Variants in LOC400499 observed in about 807,000 individuals in gnomAD.
At chr16:11,441,262 C>T in the LOC400499 span, among the ~76,000 whole-genome samples, 3 of 152,298 alleles carry the variant, frequency 2.0e-5, no homozygotes, top group African/African-American at 7.2e-5. Context: ...TGGTAAACTT[C>T]AGTGCCTACA....
the LOC400499 span, among the ~76,000 whole-genome samples, chr16:11,427,137 C>T: frequency 6.6e-3 from 1,007 of 151,666 alleles, 6 homozygotes; most frequent in Non-Finnish European, 8.5e-3. Flanking sequence ...GAGGGTGGGT[C>T]ACCTGAGCTC....
At chr16:11,464,993 G>A in the LOC400499 span, among the ~76,000 whole-genome samples, 4 of 152,236 alleles carry the variant, frequency 2.6e-5, no homozygotes, top group Non-Finnish European at 5.9e-5. Flanking sequence ...GCTGACGGCA[G>A]AGCTGGAAGA....
At chr16:11,519,477 C>A in the LOC400499 span, among the ~76,000 whole-genome samples, 1 of 152,076 alleles carries the variant, frequency 6.6e-6, no homozygotes, top group Non-Finnish European at 1.5e-5. Flanking sequence ...TGGCTCACAC[C>A]TGTAATCCCA....
At chr16:11,450,790 A>G in the LOC400499 span, 1 of 1,535,988 alleles carries the variant, frequency 6.5e-7, no homozygotes, top group Non-Finnish European at 8.7e-7. Flanking sequence ...TGCAGAGACC[A>G]TCAGCCATGG....
chr16:11,411,821 A>T, the LOC400499 span, among the ~76,000 whole-genome samples: 2 of 150,064 alleles, frequency 1.3e-5, no homozygotes, highest in Non-Finnish European at 3.0e-5. Context: ...CCTCCAGGCC[A>T]GGGTGGTTAC....
At chr16:11,507,615 C>A in the LOC400499 span, among the ~76,000 whole-genome samples, 12 of 152,208 alleles carry the variant, frequency 7.9e-5, no homozygotes, top group African/African-American at 2.7e-4. Flanking sequence ...ATTGTCTGAG[C>A]ATACACTAAG....
At chr16:11,393,673 G>C in the LOC400499 span, 7 of 903,512 alleles carry the variant, frequency 7.7e-6, no homozygotes, top group Middle Eastern at 3.9e-4. Flanking sequence ...TGTTGGACCT[G>C]TAGGGAACCA....
At chr16:11,490,965 C>G in the LOC400499 span, among the ~76,000 whole-genome samples, 1 of 152,198 alleles carries the variant, frequency 6.6e-6, no homozygotes. Context: ...ATAATAATAG[C>G]AGTAGTGATA....
the LOC400499 span, chr16:11,384,154 C>T: frequency 3.3e-6 from 4 of 1,213,932 alleles, no homozygotes; most frequent in Non-Finnish European, 4.1e-6. Context: ...TCCCGGGACT[C>T]TGCAGTGAGC....
chr16:11,505,827 A>T, the LOC400499 span, among the ~76,000 whole-genome samples: 114 of 152,268 alleles, frequency 7.5e-4, no homozygotes, highest in African/African-American at 2.6e-3. Flanking sequence ...ATCTAATCAA[A>T]TCAGGATAAT....
At chr16:11,487,075 G>A in the LOC400499 span, among the ~76,000 whole-genome samples, 1 of 151,964 alleles carries the variant, frequency 6.6e-6, no homozygotes, top group African/African-American at 2.4e-5. Context: ...ATGGAGTGAT[G>A]GAGGCATGTA....
chr16:11,378,251 C>CTTT, the LOC400499 span, among the ~76,000 whole-genome samples: 1 of 65,220 alleles, frequency 1.5e-5, no homozygotes, highest in Non-Finnish European at 3.7e-5. Flanking sequence ...CTTTTTTTTT[C>CTTT]TTTTTTTTTT....
At chr16:11,396,270 G>C in the LOC400499 span, 10,803 of 364,512 alleles carry the variant, frequency 0.03, 667 homozygotes, top group African/African-American at 0.15. Flanking sequence ...GAAGGGCCGG[G>C]TGTTGGGACT....
At chr16:11,405,670 T>G in the LOC400499 span, among the ~76,000 whole-genome samples, 1 of 152,176 alleles carries the variant, frequency 6.6e-6, no homozygotes, top group Non-Finnish European at 1.5e-5. Flanking sequence ...AACCTATCAC[T>G]ACTGCCCCCA....
the LOC400499 span, among the ~76,000 whole-genome samples, chr16:11,426,657 A>G: frequency 6.6e-6 from 1 of 151,384 alleles, no homozygotes; most frequent in South Asian, 2.1e-4. Flanking sequence ...GGCTGGGTGC[A>G]GTGGCTCATA....
chr16:11,518,938 C>A, the LOC400499 span: 51 of 398,924 alleles, frequency 1.3e-4, 1 homozygote, highest in Non-Finnish European at 2.1e-4. Flanking sequence ...CCACCTTGGC[C>A]CCCAGGATGG....
At chr16:11,423,899 G>C in the LOC400499 span, among the ~76,000 whole-genome samples, 1 of 152,224 alleles carries the variant, frequency 6.6e-6, no homozygotes, top group Admixed American at 6.5e-5. Context: ...CTGCAGCCCC[G>C]AGAGGCCATG....
At chr16:11,483,214 T>G in the LOC400499 span, among the ~76,000 whole-genome samples, 2 of 152,198 alleles carry the variant, frequency 1.3e-5, no homozygotes, top group Non-Finnish European at 2.9e-5. Context: ...CTGGTGGGAA[T>G]GCAAAAATAG....
At chr16:11,487,430 G>GTATTACTGTACAC in the LOC400499 span, 1 of 398,668 alleles carries the variant, frequency 2.5e-6, no homozygotes, top group Non-Finnish European at 4.4e-6. Context: ...TACACTCACA[G>GTATTACTGTACAC]AGTGGGGTCT....
Sources: gnomAD v4.1 joint callset for allele counts (sites outside exome capture counted in the v4.1 genomes callset) on GRCh38, gnomAD v4.1.1 for gene constraint, MANE v1.5 for transcripts.